KDM4C: variants seen among roughly 807,000 people sequenced by gnomAD.
KDM4C encodes lysine demethylase 4C.
KDM4C carries 81 observed loss-of-function variants against 129.3 expected under a neutral mutation model. The observed-to-expected ratio is 0.63, with a 90% CI of 0.52 to 0.75. KDM4C has a LOEUF of 0.75. Ranked by LOEUF, KDM4C falls within the 30% of genes least tolerant of loss-of-function variation. The pLI, the probability that KDM4C is intolerant of heterozygous loss-of-function variation, is 0.00. For missense variants in KDM4C, 1,457 were observed against 1,304.0 expected, an observed-to-expected ratio of 1.12 and a Z score of -1.81; for synonymous variants, 573 against 456.1, an observed-to-expected ratio of 1.26 and a Z score of -3.26.
In KDM4C at chr9:6,758,454, G is replaced by T. The variant is rs931663626; in HGVS notation, c.-18+251G>T. On this transcript the variant is annotated intron_variant, in intron 1 of 21. Coordinates refer to ENST00000381309, the MANE Select transcript of KDM4C (RefSeq NM_015061.6). This position sits in a 1 kb window ranked among gnomAD's most constrained non-coding sequence, Gnocchi z 4.6. ...CGGCCCTTACCGAGGTTCGGTACCC[G>T]CGCTCGCCGTTTTCCCGGGATCCGG... is the stretch of plus-strand genomic sequence containing the variant. Among the ~76,000 whole-genome samples, 1 of 152,236 alleles carries T rather than the reference G, an allele frequency of 6.6e-6. No homozygotes were observed. The highest frequency in any genetic ancestry group is 1.5e-5 in the Non-Finnish European group (1 of 68,042).
At chr9:6,958,029 T>C (rs1316642070) in intron 8 of KDM4C, among the ~76,000 whole-genome samples, 1 of 151,978 alleles carries the variant, frequency 6.6e-6, no homozygotes, top group Non-Finnish European at 1.5e-5. Flanking sequence ...GAGAGAACAA[T>C]TGTAGACATA....
intron 17 of KDM4C, among the ~76,000 whole-genome samples, chr9:7,051,114 C>T (rs1204036506): frequency 6.6e-6 from 1 of 152,120 alleles, no homozygotes; most frequent in Non-Finnish European, 1.5e-5. Context: ...AAATAGCAGC[C>T]TCTTGACCAG....
At chr9:6,820,987 T>G (rs1044070435) in intron 4 of KDM4C, among the ~76,000 whole-genome samples, 4 of 151,984 alleles carry the variant, frequency 2.6e-5, no homozygotes, top group African/African-American at 9.7e-5. Context: ...TTTCTGTCCT[T>G]GTGATAGTTT....
chr9:7,073,414 A>G (rs957998200), intron 17 of KDM4C, among the ~76,000 whole-genome samples: 8 of 152,224 alleles, frequency 5.3e-5, no homozygotes, highest in Admixed American at 3.3e-4. Flanking sequence ...TATATAGATA[A>G]TAGTTGAAGA....
At chr9:6,877,115 C>T (rs1843682841) in intron 5 of KDM4C, among the ~76,000 whole-genome samples, 1 of 152,228 alleles carries the variant, frequency 6.6e-6, no homozygotes, top group East Asian at 1.9e-4. Context: ...TTCATTCTCC[C>T]AGGTGCCAGT....
rs116624008 is a variant in KDM4C, at chr9:7,142,128, A to T, written c.2781+13892A>T. On this transcript the variant is annotated intron_variant, in intron 19 of 21. Coordinates refer to ENST00000381309, the MANE Select transcript of KDM4C (RefSeq NM_015061.6). Reference sequence around the variant, plus strand: ...AATAAATAAATAAATTGAGCATATGATTACACATATGTAGACTTGGCCTCA... The same window carrying T: ...AATAAATAAATAAATTGAGCATATGTTTACACATATGTAGACTTGGCCTCA... Among the ~76,000 whole-genome samples the T allele has an allele frequency of 7.6e-3, 1,163 of 152,330 alleles. 19 individuals are homozygous for T. Among genetic ancestry groups the T allele is most frequent in the African/African-American group, 0.027 (1,104 of 41,564 alleles).
At position 6,793,149 on chromosome 9, in the gene KDM4C, G is replaced by A. The variant is rs1322594577; in HGVS notation, c.144+17G>A. On this transcript the variant is annotated intron_variant, in intron 2 of 21. Coordinates refer to ENST00000381309, the MANE Select transcript of KDM4C (RefSeq NM_015061.6). ...CTTGCAAAGGTGATTATCCTTCGAT[G>A]CTTTAAATGAAAAACAATCACTTGG... 3.7e-6 allele frequency: 6 copies of A among 1,601,554 alleles called. No individual in the cohort carries two copies. Among genetic ancestry groups the A allele is most frequent in the Admixed American group, 1.7e-5 (1 of 58,512 alleles).
At chr9:6,764,989 A>G (rs1820335250) in intron 1 of KDM4C, among the ~76,000 whole-genome samples, 1 of 152,108 alleles carries the variant, frequency 6.6e-6, no homozygotes, top group Non-Finnish European at 1.5e-5. Flanking sequence ...CCAAAGTATC[A>G]CTTAACACCT....
At chr9:7,009,448 GCATA>G (rs930444912) in intron 12 of KDM4C, among the ~76,000 whole-genome samples, 14 of 151,994 alleles carry the variant, frequency 9.2e-5, no homozygotes, top group African/African-American at 3.4e-4. Context: ...AATATTTTAT[GCATA>G]CATTCTTTTT....
intron 8 of KDM4C, among the ~76,000 whole-genome samples, chr9:6,940,004 T>A (rs1825607048): frequency 1.6e-5 from 2 of 126,822 alleles, no homozygotes; most frequent in African/African-American, 5.7e-5. Flanking sequence ...CTTCCTTCCT[T>A]CCTTCCTTCC....
chr9:6,732,872 A>G (rs2130223410), intron 1 of KDM4C, among the ~76,000 whole-genome samples: 1 of 152,170 alleles, frequency 6.6e-6, no homozygotes, highest in South Asian at 2.1e-4. Flanking sequence ...AATTAGCTGG[A>G]CGTGGTGGCA....
intron 17 of KDM4C, among the ~76,000 whole-genome samples, chr9:7,068,501 A>G (rs574330006): frequency 6.6e-6 from 1 of 152,262 alleles, no homozygotes; most frequent in South Asian, 2.1e-4. Context: ...GAGTCAGACA[A>G]CCTGGGTTCA....
chr9:6,761,342 T>C (rs1819453933), intron 1 of KDM4C, among the ~76,000 whole-genome samples: 1 of 151,896 alleles, frequency 6.6e-6, no homozygotes, highest in Admixed American at 6.6e-5. Flanking sequence ...TCCTGTTCTT[T>C]TTTTTTTTGG....
At chr9:6,794,361 C>G (rs771751112) in intron 2 of KDM4C, among the ~76,000 whole-genome samples, 5 of 152,206 alleles carry the variant, frequency 3.3e-5, no homozygotes, top group Non-Finnish European at 7.3e-5. Flanking sequence ...GGCCTGGAGG[C>G]TGACCTGTAC....
chr9:7,096,103 C>T (rs1390188595), intron 17 of KDM4C, among the ~76,000 whole-genome samples: 1 of 152,028 alleles, frequency 6.6e-6, no homozygotes, highest in East Asian at 1.9e-4. Context: ...AATTGTGTGC[C>T]CCTTTTGCCC....
At chr9:7,106,080 G>A (rs566849944) in intron 18 of KDM4C, among the ~76,000 whole-genome samples, 1 of 152,286 alleles carries the variant, frequency 6.6e-6, no homozygotes, top group Admixed American at 6.5e-5. Context: ...TATTTCCCAA[G>A]TATATTTCTA....
rs1239320279 is a variant in KDM4C, at chr9:6,758,116, C to G, written c.-105C>G. On this transcript the variant is annotated 5_prime_UTR_variant, in exon 1 of 22. Coordinates refer to ENST00000381309, the MANE Select transcript of KDM4C (RefSeq NM_015061.6). This position sits in a 1 kb window ranked among gnomAD's most constrained non-coding sequence, Gnocchi z 4.6. ...GTCACCTAGTGCGGAACAAGTCTCC[C>G]AAATTTCCCAAATCTCCCTGGGCCG... The G allele has an allele frequency of 2.0e-6, 2 of 985,456 alleles. No individual in the cohort carries two copies. The highest frequency in any genetic ancestry group is 2.3e-4 in the East Asian group (2 of 8,806). 61.0% of individuals were successfully genotyped at this position (985,456 alleles called of 1,614,324 possible). A position where few individuals can be genotyped will look rare whatever the true frequency, so the allele number is the denominator to read the frequency against.
chr9:6,855,166 G>A (rs1839571133), intron 5 of KDM4C, among the ~76,000 whole-genome samples: 1 of 152,114 alleles, frequency 6.6e-6, no homozygotes, highest in Admixed American at 6.5e-5. Flanking sequence ...AAGTGTTCTT[G>A]GTTATAAATG....
chr9:6,866,059 T>C (rs1841910751), intron 5 of KDM4C, among the ~76,000 whole-genome samples: 1 of 151,998 alleles, frequency 6.6e-6, no homozygotes, highest in Non-Finnish European at 1.5e-5. Context: ...AATTTTTGTA[T>C]TTTTAGTTAG....
Sources: allele counts gnomAD v4.1 joint callset (sites outside exome capture counted in the v4.1 genomes callset), GRCh38; gene constraint gnomAD v4.1.1; non-coding constraint Gnocchi (gnomAD v3.1); transcripts MANE v1.5; gene names NCBI Gene and HGNC (gene_info 2026-07-23, HGNC 2026-07-21).